Variants in COL6A2 observed in about 807,000 individuals in gnomAD.
COL6A2 encodes the protein collagen type VI alpha 2 chain, also known as collagen alpha-2(VI) chain.
Under a neutral mutation model 124.9 loss-of-function variants are expected in COL6A2, and 90 were observed. The ratio of observed to expected loss-of-function variants is 0.72; its 90% CI spans 0.61 to 0.86. COL6A2 has a LOEUF of 0.86. COL6A2 is among the 40% of genes least tolerant of loss of function. The pLI, the probability that COL6A2 is intolerant of heterozygous loss-of-function variation, is 0.00. For missense variants in COL6A2, 1,607 were observed against 1,502.5 expected (o/e 1.07, Z -1.15); for synonymous variants, 793 against 618.2 (o/e 1.28, Z -4.19).
Position 46,124,662 on chromosome 21 carries a change from T to TC in COL6A2, c.1688dup (p.Gly564TrpfsTer2), listed in dbSNP as rs1568938325. 1.2e-6 allele frequency: 2 copies of TC among 1,612,744 alleles called. No individual in the cohort carries two copies. Among genetic ancestry groups the TC allele is most frequent in the South Asian group, 2.2e-5 (2 of 91,066 alleles). ...TTGTTCCTTCTCAGGCGGATCCTGG[T>TC]CCCCCTGGTGAGCCAGGCCCTCGGG... On this transcript the variant is annotated frameshift_variant, in exon 22 of 28. Transcript: ENST00000300527. LOFTEE classifies it high-confidence loss of function.
At chr21:46,117,583 GC>G in intron 11 of COL6A2, 130 bp downstream of exon 11, 1 of 962,892 alleles carries the variant, frequency 1.0e-6, no homozygotes, top group Non-Finnish European at 1.6e-6. Flanking sequence ...CAGCCCAGCA[GC>G]CCCAGCCCAG....
intron 27 of COL6A2, among the ~76,000 whole-genome samples, chr21:46,128,345 G>C (rs1185100035): frequency 2.0e-5 from 3 of 152,214 alleles, no homozygotes; most frequent in African/African-American, 7.2e-5. Flanking sequence ...CTCCTTCCCA[G>C]CTGTTTCCAA....
intron 27 of COL6A2, 77 bp downstream of exon 27, chr21:46,126,618 TGGGGGAGGGGCCGTGCAGGGACCCG>T: frequency 6.6e-7 from 1 of 1,512,762 alleles, no homozygotes. Context: ...AGGGCCGGGC[TGGGGGAGGGGCCGTGCAGGGACCCG>T]GGGGGCGGCG....
chr21:46,120,165 T>C (rs56001556), intron 15 of COL6A2, among the ~76,000 whole-genome samples: 20 of 74,166 alleles, frequency 2.7e-4, no homozygotes, highest in Non-Finnish European at 4.9e-4. Flanking sequence ...ACTGAGGCAT[T>C]GCTCACCCAC....
chr21:46,105,745 A>C (rs1248328520), intron 1 of COL6A2, among the ~76,000 whole-genome samples: 2 of 152,240 alleles, frequency 1.3e-5, no homozygotes, highest in African/African-American at 4.8e-5. Context: ...GGAATGAGGA[A>C]GGGATTTAAA....
At chr21:46,100,451 A>G (rs2123588967) in intron 1 of COL6A2, among the ~76,000 whole-genome samples, 1 of 152,272 alleles carries the variant, frequency 6.6e-6, no homozygotes, top group African/African-American at 2.4e-5. Flanking sequence ...GTGTGCAGCT[A>G]GTTCAGCGAC....
intron 12 of COL6A2, 22 bp downstream of exon 12, chr21:46,117,958 CG>C (rs2078501622): frequency 3.7e-6 from 6 of 1,602,546 alleles, no homozygotes. Flanking sequence ...TGTCAGGGTA[CG>C]GGGCAGGCGG....
intron 27 of COL6A2, among the ~76,000 whole-genome samples, chr21:46,128,537 A>C (rs2078709366): frequency 6.6e-6 from 1 of 152,086 alleles, no homozygotes; most frequent in Admixed American, 6.6e-5. Context: ...AAGCCCAGCC[A>C]CCCTGGGCCT....
intron 27 of COL6A2, among the ~76,000 whole-genome samples, chr21:46,128,157 G>A (rs2078702417): frequency 6.6e-6 from 1 of 152,194 alleles, no homozygotes; most frequent in Admixed American, 6.5e-5. Flanking sequence ...CTGGGAGTGG[G>A]TCACTCAGGC....
chr21:46,101,240 A>G (rs146941680), intron 1 of COL6A2, among the ~76,000 whole-genome samples: 8 of 152,178 alleles, frequency 5.3e-5, no homozygotes, highest in Non-Finnish European at 7.4e-5. Context: ...TCCTTGACCT[A>G]TTTTTGAATC....
intron 1 of COL6A2, among the ~76,000 whole-genome samples, chr21:46,100,328 G>C (rs777210840): frequency 2.6e-5 from 4 of 152,008 alleles, no homozygotes; most frequent in African/African-American, 4.8e-5. Context: ...TTGTTTGTTT[G>C]TTTGGGGTGT....
chr21:46,116,444 C>T lies in COL6A2; in HGVS notation c.927+41C>T. The T allele has an allele frequency of 1.2e-6, 2 of 1,612,118 alleles. No individual in the cohort carries two copies. The highest frequency in any genetic ancestry group is 1.7e-6 in the Non-Finnish European group (2 of 1,179,652). On this transcript the variant is annotated intron_variant, in intron 8 of 27. Transcript: ENST00000300527. The surrounding 1 kb of genome is among the most constrained non-coding windows in gnomAD (Gnocchi z 4.6). ...TGACAGACCTCAGACCTGCGCCAGC[C>T]TCGGCCCAGACCCACCTCTTGGCGT... is the stretch of plus-strand genomic sequence containing the variant.
intron 27 of COL6A2, among the ~76,000 whole-genome samples, chr21:46,130,834 C>G (rs1044762317): frequency 1.3e-5 from 2 of 152,226 alleles, no homozygotes; most frequent in Non-Finnish European, 2.9e-5. Context: ...CTTCCTTTCA[C>G]TGAATGAGCT....
At chr21:46,101,544 G>A (rs369718363) in intron 1 of COL6A2, among the ~76,000 whole-genome samples, 12 of 152,084 alleles carry the variant, frequency 7.9e-5, no homozygotes, top group African/African-American at 2.7e-4. Context: ...GTCTTAAAAC[G>A]TAAAGATCCA....
chr21:46,123,092 CA>C (rs1272385314), intron 21 of COL6A2, among the ~76,000 whole-genome samples, 155 bp downstream of exon 21: 1 of 151,130 alleles, frequency 6.6e-6, no homozygotes, highest in Non-Finnish European at 1.5e-5. Flanking sequence ...ACGGCTGGCT[CA>C]GGGGCCCCCT....
chr21:46,122,236 C>T, intron 19 of COL6A2, 78 bp downstream of exon 19: 2 of 1,488,086 alleles, frequency 1.3e-6, no homozygotes, highest in South Asian at 2.3e-5. Flanking sequence ...CCTAGTAGTT[C>T]CCTCAAGGCC....
rs2078265168 is a variant in COL6A2 at position 46,099,599 on chromosome 21, C to T, written c.-28+1426C>T. 2.6e-5 allele frequency among the ~76,000 whole-genome samples: 4 copies of T among 152,230 alleles called. 1 individual carries two copies. The highest frequency in any genetic ancestry group is 2.6e-4 in the Admixed American group (4 of 15,282). The stretch of plus-strand genomic sequence containing the variant: ...GTCGGGCGCCTGATGCGGGGCTCAC[C>T]CGCCACAAGCAGGGGTCCTGGTGCT... On this transcript the variant is annotated intron_variant, in intron 1 of 27. Coordinates refer to ENST00000300527, the MANE Select transcript of COL6A2 (RefSeq NM_001849.4).
chr21:46,119,681 A>G, intron 14 of COL6A2, 107 bp from the exon 15 acceptor site: 1 of 1,017,810 alleles, frequency 9.8e-7, no homozygotes, highest in Non-Finnish European at 1.5e-6. Flanking sequence ...CCAAAGCCAG[A>G]GCCCTCCTGT....
In COL6A2 at chr21:46,132,557, G is replaced by A. The variant is rs377195134; in HGVS notation, c.*5G>A. ...TTCATCCGCTGGATCTGCTAGCGCCGCCGCCCGGGCCCCGCAGTCGAGGGT... is the reference window on the plus strand; with the variant it reads ...TTCATCCGCTGGATCTGCTAGCGCCACCGCCCGGGCCCCGCAGTCGAGGGT... On this transcript the variant is annotated 3_prime_UTR_variant, in exon 28 of 28. Transcript: ENST00000300527. The A allele has an allele frequency of 4.8e-5, 77 of 1,588,418 alleles. No homozygotes were observed. The African/African-American group carries it at 5.9e-4, about 12-fold the overall frequency.
Sources: gnomAD v4.1 joint callset for allele counts (sites outside exome capture counted in the v4.1 genomes callset) on GRCh38, gnomAD v4.1.1 for gene constraint, Gnocchi (gnomAD v3.1) non-coding constraint, MANE v1.5 for transcripts, NCBI Gene and HGNC (gene_info 2026-07-23, HGNC 2026-07-21) for gene names.